The following TRDN variants were observed in gnomAD, a reference collection of about 807,000 sequenced individuals.
TRDN encodes the protein triadin in skeletal muscle.
TRDN carries 161 observed loss-of-function variants against 149.7 expected under a neutral mutation model. The observed-to-expected ratio is 1.08, with a 90% CI of 0.95 to 1.23. TRDN has a LOEUF of 1.23. TRDN is among the 50% of genes most tolerant of loss of function. TRDN has a pLI of 0.00. For missense variants in TRDN, 896 were observed against 823.5 expected (o/e 1.09, Z -1.08); for synonymous variants, 294 against 250.5 (o/e 1.17, Z -1.64).
At chr6:123,300,553 T>C (rs1395447309) in intron 24 of TRDN, among the ~76,000 whole-genome samples, 3 of 151,940 alleles carry the variant, frequency 2.0e-5, no homozygotes, top group Non-Finnish European at 2.9e-5. Flanking sequence ...GTACCTGTCA[T>C]AGACTGGTTC....
chr6:123,474,527 G>T (rs1378728780), intron 9 of TRDN, among the ~76,000 whole-genome samples: 6 of 151,990 alleles, frequency 3.9e-5, no homozygotes, highest in Non-Finnish European at 8.8e-5. Flanking sequence ...CAGACAGAAA[G>T]TCAACAAGGA....
At chr6:123,265,425 T>C in intron 32 of TRDN, 87 bp from the exon 33 acceptor site, 1 of 842,480 alleles carries the variant, frequency 1.2e-6, no homozygotes, top group South Asian at 2.1e-5. Flanking sequence ...TTCCTATTTT[T>C]GCTTTTTATT....
At chr6:123,437,639 C>T (rs902416961) in intron 12 of TRDN, among the ~76,000 whole-genome samples, 1 of 151,918 alleles carries the variant, frequency 6.6e-6, no homozygotes, top group African/African-American at 2.4e-5. Context: ...AAAGATAGTG[C>T]CCCATCTCTA....
intron 24 of TRDN, among the ~76,000 whole-genome samples, chr6:123,280,854 T>C (rs1381108143): frequency 6.6e-6 from 1 of 152,136 alleles, no homozygotes; most frequent in African/African-American, 2.4e-5. Flanking sequence ...TGTGAGATAT[T>C]TGGGGACAGT....
intron 7 of TRDN, among the ~76,000 whole-genome samples, chr6:123,510,615 A>C (rs745929816): frequency 1.5e-4 from 23 of 151,500 alleles, no homozygotes; most frequent in Non-Finnish European, 3.1e-4. Flanking sequence ...TAAAGTAAAA[A>C]TATTGATCAA....
intron 10 of TRDN, among the ~76,000 whole-genome samples, chr6:123,443,095 G>A (rs7747598): frequency 0.15 from 22,819 of 151,892 alleles, 2,434 homozygotes; most frequent in African/African-American, 0.3. Flanking sequence ...TCCTGGGAAT[G>A]GGTAACCTAA....
At chr6:123,526,998 C>T (rs1274198529) in intron 5 of TRDN, among the ~76,000 whole-genome samples, 1 of 151,954 alleles carries the variant, frequency 6.6e-6, no homozygotes, top group Non-Finnish European at 1.5e-5. Context: ...ATTCTTATGA[C>T]AACTCTATTA....
intron 9 of TRDN, among the ~76,000 whole-genome samples, chr6:123,465,525 G>A (rs982078184): frequency 7.7e-6 from 1 of 129,120 alleles, no homozygotes; most frequent in African/African-American, 2.9e-5. Context: ...AATATATTCA[G>A]TTTTATAGAA....
At chr6:123,284,090 C>T (rs1319665212) in intron 24 of TRDN, among the ~76,000 whole-genome samples, 1 of 134,830 alleles carries the variant, frequency 7.4e-6, no homozygotes, top group Non-Finnish European at 1.6e-5. Context: ...TTGCCCCCCC[C>T]CCAAAAATTG....
chr6:123,323,946 T>G (rs190447615), intron 23 of TRDN, among the ~76,000 whole-genome samples: 3 of 152,284 alleles, frequency 2.0e-5, no homozygotes, highest in African/African-American at 2.4e-5. Context: ...GGTGGCTGCA[T>G]GCATTTGTAG....
chr6:123,526,388 C>T (rs759972027), intron 5 of TRDN, among the ~76,000 whole-genome samples: 1 of 151,880 alleles, frequency 6.6e-6, no homozygotes, highest in Non-Finnish European at 1.5e-5. Context: ...ATTCTAGATC[C>T]TATGGCTATG....
chr6:123,535,629 C>T (rs1041713287), intron 4 of TRDN, among the ~76,000 whole-genome samples: 25 of 152,024 alleles, frequency 1.6e-4, no homozygotes, highest in Admixed American at 4.6e-4. Flanking sequence ...CATTCAATGG[C>T]GATAGCAATG....
intron 24 of TRDN, among the ~76,000 whole-genome samples, chr6:123,310,499 G>A (rs1778779781): frequency 6.6e-6 from 1 of 151,890 alleles, no homozygotes; most frequent in South Asian, 2.1e-4. Flanking sequence ...GCTTTTATGT[G>A]GGTGCAGGAT....
At chr6:123,446,035 T>A (rs12183661) in intron 10 of TRDN, among the ~76,000 whole-genome samples, 17,523 of 143,314 alleles carry the variant, frequency 0.12, 1,602 homozygotes, top group African/African-American at 0.26. Flanking sequence ...GCACATATAC[T>A]CCATGGAATA....
At chr6:123,443,546 A>G (rs1393084573) in intron 10 of TRDN, among the ~76,000 whole-genome samples, 1 of 152,080 alleles carries the variant, frequency 6.6e-6, no homozygotes, top group Non-Finnish European at 1.5e-5. Flanking sequence ...TAATCTCAGC[A>G]CTTTGGGAGG....
intron 21 of TRDN, among the ~76,000 whole-genome samples, chr6:123,348,039 G>C (rs1451505689): frequency 6.6e-6 from 1 of 152,030 alleles, no homozygotes; most frequent in Admixed American, 6.6e-5. Flanking sequence ...CTTGAAATGA[G>C]AATGCAGATT....
intron 2 of TRDN, among the ~76,000 whole-genome samples, chr6:123,553,541 A>G (rs1224290514): frequency 6.6e-6 from 1 of 152,144 alleles, no homozygotes; most frequent in Non-Finnish European, 1.5e-5. Flanking sequence ...TTTGGTGTAA[A>G]GCATGTGTAT....
chr6:123,480,199 A>C (rs1193032861), intron 9 of TRDN, among the ~76,000 whole-genome samples: 1 of 151,630 alleles, frequency 6.6e-6, no homozygotes, highest in Non-Finnish European at 1.5e-5. Context: ...GTCCATAATT[A>C]AATATCATTA....
intron 39 of TRDN, 27 bp from the exon 40 acceptor site, chr6:123,221,549 A>G: frequency 6.7e-7 from 1 of 1,485,776 alleles, no homozygotes; most frequent in East Asian, 2.4e-5. Flanking sequence ...ATAAAAGTAA[A>G]TAACTTGTAC....
Sources: allele counts gnomAD v4.1 joint callset (sites outside exome capture counted in the v4.1 genomes callset), GRCh38; gene constraint gnomAD v4.1.1; transcripts MANE v1.5; gene names NCBI Gene and HGNC (gene_info 2026-07-23, HGNC 2026-07-21).